KIF2A: variants seen among roughly 807,000 people sequenced by gnomAD.
The protein encoded by KIF2A is kinesin family member 2A.
A neutral mutation model predicts 100.2 loss-of-function variants in KIF2A; 22 were observed. The observed-to-expected ratio is 0.22, with a 90% CI of 0.16 to 0.31. The LOEUF (loss-of-function observed/expected upper bound fraction) is 0.31. KIF2A is among the 10% of genes least tolerant of loss of function. KIF2A has a pLI of 1.00. For missense variants in KIF2A, 495 were observed against 898.7 expected, an observed-to-expected ratio of 0.55 and a Z score of 5.74; for synonymous variants, 268 against 285.9, an observed-to-expected ratio of 0.94 and a Z score of 0.63.
At chr5:62,364,247 A>G (rs971996180) in intron 14 of KIF2A, among the ~76,000 whole-genome samples, 13 of 151,816 alleles carry the variant, frequency 8.6e-5, no homozygotes, top group Admixed American at 5.2e-4. Flanking sequence ...TCCTGGGTTC[A>G]AGCCATTCTC....
intron 6 of KIF2A, 151 bp from the exon 7 acceptor site, chr5:62,355,008 C>T (rs1748029967): frequency 4.0e-6 from 2 of 498,930 alleles, no homozygotes; most frequent in African/African-American, 4.0e-5. Context: ...TATTATGAAA[C>T]CACAACTGTG....
chr5:62,361,163 A>G (rs1368798562), intron 9 of KIF2A, 79 bp from the exon 10 acceptor site: 5 of 638,568 alleles, frequency 7.8e-6, no homozygotes, highest in Non-Finnish European at 1.0e-5. Flanking sequence ...TATTAATAAA[A>G]TACTTTGTAT....
intron 1 of KIF2A, among the ~76,000 whole-genome samples, chr5:62,331,007 A>C (rs1226717938): frequency 6.6e-6 from 1 of 152,252 alleles, no homozygotes; most frequent in Non-Finnish European, 1.5e-5. Flanking sequence ...GATTTAAACA[A>C]CTTCAATGGA....
rs186096537 is a variant in KIF2A, at chr5:62,378,165, C to T, written c.2013+403C>T. 2.4e-3 allele frequency among the ~76,000 whole-genome samples: 359 copies of T among 152,314 alleles called. 1 individual carries two copies. The highest frequency in any genetic ancestry group is 4.1e-3 in the Non-Finnish European group (282 of 68,030). ...TGTTGCAGAAAAGAGAGACTACTTACTTCAGGAGATGGAGAGTTACTGCTC... is the reference window on the plus strand; with the variant it reads ...TGTTGCAGAAAAGAGAGACTACTTATTTCAGGAGATGGAGAGTTACTGCTC... On this transcript the variant is annotated intron_variant, in intron 19 of 20. Transcript: ENST00000407818.
At chr5:62,352,022 C>T (rs966076047) in intron 4 of KIF2A, among the ~76,000 whole-genome samples, 3 of 152,032 alleles carry the variant, frequency 2.0e-5, no homozygotes, top group South Asian at 2.1e-4. Flanking sequence ...GGTGTAGTGG[C>T]GTGCGCCTGT....
chr5:62,317,797 T>G lies in KIF2A; in HGVS notation c.64+11261T>G, dbSNP rs949718177. 3.9e-5 allele frequency among the ~76,000 whole-genome samples: 6 copies of G among 152,226 alleles called. No homozygotes were observed. In the South Asian group the frequency reaches 1.2e-3, roughly 31 times the overall value. On this transcript the variant is annotated intron_variant, in intron 1 of 20. Transcript: ENST00000407818. ...AGGACTTTTCTCTAGAAGAAGTTAGTTTGCCAGCTACAACAAAATAATAAG... is the reference window on the plus strand; with the variant it reads ...AGGACTTTTCTCTAGAAGAAGTTAGGTTGCCAGCTACAACAAAATAATAAG...
Position 62,353,361 on chromosome 5 carries a change from G to A in KIF2A, c.544G>A (p.Glu182Lys). 6.4e-7 allele frequency: 1 copy of A among 1,551,154 alleles called. No homozygotes were observed. The highest frequency in any genetic ancestry group is 8.7e-7 in the Non-Finnish European group (1 of 1,152,424). ...KRRLQQQELR[E>K]KRAQDVDATN... is the part of the protein sequence containing the mutation. ...GAGATTGCAACAGCAAGAACTTAGAGAAAAAAGAGCCCAGGTTCGTAACAT... is the reference window on the plus strand; with the variant it reads ...GAGATTGCAACAGCAAGAACTTAGAAAAAAAAGAGCCCAGGTTCGTAACAT... Residue 182 changes from glutamate to lysine, a missense_variant, in exon 6 of 21, where the codon GAA becomes AAA. Glu to Lys is a moderately conservative substitution (Grantham distance 56). Around this residue, in one of 10 missense-constraint regions of KIF2A, gnomAD observed 109 missense variants for 244.2 expected, o/e 0.45. Transcript: ENST00000407818.
chr5:62,366,347 A>G (rs1420604472), intron 15 of KIF2A, 67 bp from the exon 16 acceptor site: 3 of 911,626 alleles, frequency 3.3e-6, no homozygotes, highest in Middle Eastern at 2.9e-4. Context: ...AATGAGCTGT[A>G]TGTCAGTATT....
At position 62,359,456 on chromosome 5, in the gene KIF2A, G is replaced by A. The variant is rs529794214; in HGVS notation, c.872+1157G>A. The stretch of plus-strand genomic sequence containing the variant: ...CACCAAGTGTACTGGGTAGTCAGTT[G>A]TAAAAAAAAAAAGGATCAAATTAAA... On this transcript the variant is annotated intron_variant, in intron 9 of 20. Coordinates refer to ENST00000407818, the MANE Select transcript of KIF2A (RefSeq NM_001098511.3). 1.2e-4 allele frequency among the ~76,000 whole-genome samples: 16 copies of A among 135,872 alleles called. No homozygotes were observed. In the South Asian group the frequency reaches 3.1e-3, roughly 26 times the overall value. The allele number at this position is 135,872 out of a possible 152,430, so 89.1% of individuals were successfully genotyped here.
rs183245049 is a variant in KIF2A at position 62,364,436 on chromosome 5, G to A, written c.1467+537G>A. 2.0e-3 allele frequency among the ~76,000 whole-genome samples: 308 copies of A among 152,228 alleles called. 1 individual carries two copies. Among genetic ancestry groups the A allele is most frequent in the African/African-American group, 6.4e-3 (267 of 41,558 alleles). On this transcript the variant is annotated intron_variant, in intron 14 of 20. Coordinates refer to ENST00000407818, the MANE Select transcript of KIF2A (RefSeq NM_001098511.3). ...GCTGGGATTACAGGCGTGAGCCACC[G>A]CGCCCGGCCCAGAGGGTCTTAATTA...
At chr5:62,350,329 G>T (rs1270882650) in intron 4 of KIF2A, among the ~76,000 whole-genome samples, 1 of 151,760 alleles carries the variant, frequency 6.6e-6, no homozygotes, top group Non-Finnish European at 1.5e-5. Context: ...CCAGTCTAGA[G>T]TACATTGGCA....
At position 62,355,126 on chromosome 5, in the gene KIF2A, T is replaced by G. The variant is rs199924461; in HGVS notation, c.559-33T>G. 52 of 929,842 alleles carry G rather than the reference T, an allele frequency of 5.6e-5. No homozygotes were observed. The East Asian group carries it at 1.2e-3, about 21-fold the overall frequency. 57.6% of individuals were successfully genotyped at this position (929,842 alleles called of 1,614,324 possible). A position where few individuals can be genotyped will look rare whatever the true frequency, so the allele number is the denominator to read the frequency against. On this transcript the variant is annotated intron_variant, in intron 6 of 20. Transcript: ENST00000407818. ...AAATGTAACAAATACATTATTATAT[T>G]TATAATGGTGAATTCTCTCTGTCTT...
chr5:62,370,135 C>G (rs373324324), intron 16 of KIF2A, among the ~76,000 whole-genome samples: 2 of 152,118 alleles, frequency 1.3e-5, no homozygotes, highest in East Asian at 3.9e-4. Context: ...TTCGGTTAGA[C>G]AGATGTGAAA....
chr5:62,316,683 G>C (rs1745833297), intron 1 of KIF2A, among the ~76,000 whole-genome samples: 1 of 152,158 alleles, frequency 6.6e-6, no homozygotes, highest in Non-Finnish European at 1.5e-5. Context: ...TGTCAAGATA[G>C]GTTCATCAAT....
intron 1 of KIF2A, among the ~76,000 whole-genome samples, chr5:62,343,243 C>T (rs958057020): frequency 6.6e-5 from 10 of 152,062 alleles, no homozygotes; most frequent in African/African-American, 2.4e-4. Context: ...TTTTTAACTC[C>T]CTTTTGACTC....
At chr5:62,309,630 A>G (rs573271783) in intron 1 of KIF2A, among the ~76,000 whole-genome samples, 6 of 152,336 alleles carry the variant, frequency 3.9e-5, no homozygotes, top group Admixed American at 3.3e-4. Flanking sequence ...TATCTGAGAC[A>G]GTAGAAATGA....
Position 62,389,663 on chromosome 5 carries a change from G to A in KIF2A, c.*4094G>A, listed in dbSNP as rs1300925700. On this transcript the variant is annotated 3_prime_UTR_variant, in exon 21 of 21. Transcript: ENST00000407818. ...AAGAACTCACTGGCATTTGTTTCAAGGTAACTGAACAAGAAGCTGTTTGGA... is the reference window on the plus strand; with the variant it reads ...AAGAACTCACTGGCATTTGTTTCAAAGTAACTGAACAAGAAGCTGTTTGGA... 6.6e-6 allele frequency among the ~76,000 whole-genome samples: 1 copy of A among 152,000 alleles called. No homozygotes were observed. The highest frequency in any genetic ancestry group is 2.4e-5 in the African/African-American group (1 of 41,362).
chr5:62,357,847 T>A (rs956272909), intron 8 of KIF2A, 102 bp downstream of exon 8: 11 of 780,592 alleles, frequency 1.4e-5, no homozygotes, highest in Non-Finnish European at 2.3e-5. Context: ...TGTAAATCAT[T>A]TCCTTTGATT....
chr5:62,350,487 C>T (rs1747794939), intron 4 of KIF2A, among the ~76,000 whole-genome samples: 1 of 151,948 alleles, frequency 6.6e-6, no homozygotes, highest in Admixed American at 6.6e-5. Flanking sequence ...GTTGCCTGGG[C>T]TGGTCTTGAA....
Sources: allele counts gnomAD v4.1 joint callset (sites outside exome capture counted in the v4.1 genomes callset), GRCh38; gene constraint gnomAD v4.1.1; regional missense constraint gnomAD v4.1.1; transcripts MANE v1.5; gene names NCBI Gene and HGNC (gene_info 2026-07-23, HGNC 2026-07-21).